Variants in FAM13A observed in about 807,000 individuals in gnomAD.
FAM13A encodes family with sequence similarity 13 member A.
A neutral mutation model predicts 129.6 loss-of-function variants in FAM13A; 76 were observed. The observed-to-expected ratio is 0.59, with a 90% CI of 0.49 to 0.71. FAM13A has a LOEUF of 0.71. Ranked by LOEUF, FAM13A falls within the 30% of genes least tolerant of loss-of-function variation. FAM13A has a pLI of 0.00. For missense variants in FAM13A, 1,108 were observed against 1,249.3 expected, an observed-to-expected ratio of 0.89 and a Z score of 1.70; for synonymous variants, 443 against 449.9, an observed-to-expected ratio of 0.98 and a Z score of 0.20.
At chr4:88,923,925 C>G (rs1410828148) in intron 5 of FAM13A, among the ~76,000 whole-genome samples, 1 of 151,924 alleles carries the variant, frequency 6.6e-6, no homozygotes, top group Admixed American at 6.6e-5. Flanking sequence ...AAACAGAGAG[C>G]CAAATCATGA....
At chr4:88,984,149 C>T (rs1410890890) in intron 4 of FAM13A, among the ~76,000 whole-genome samples, 4 of 152,032 alleles carry the variant, frequency 2.6e-5, no homozygotes, top group Non-Finnish European at 5.9e-5. Flanking sequence ...AAGTTAACTC[C>T]AAAATAGCTC....
intron 20 of FAM13A, among the ~76,000 whole-genome samples, chr4:88,737,975 AG>A (rs1342255962): frequency 6.6e-6 from 1 of 152,214 alleles, no homozygotes. Context: ...CACCCTACTT[AG>A]GGACACTAAG....
intron 7 of FAM13A, among the ~76,000 whole-genome samples, chr4:88,840,690 GAA>G (rs1311083230): frequency 6.6e-6 from 1 of 151,288 alleles, no homozygotes; most frequent in East Asian, 1.9e-4. Context: ...ATTGCTGCTT[GAA>G]AAAAAATAGA....
chr4:89,022,934 C>T (rs1373351853), intron 2 of FAM13A, among the ~76,000 whole-genome samples: 1 of 152,116 alleles, frequency 6.6e-6, no homozygotes, highest in Non-Finnish European at 1.5e-5. Context: ...GGAATTTTTC[C>T]CCTGTTGAGT....
chr4:88,896,252 A>G (rs962979761), intron 6 of FAM13A, among the ~76,000 whole-genome samples: 8 of 130,374 alleles, frequency 6.1e-5, no homozygotes, highest in African/African-American at 2.3e-4. Flanking sequence ...GGGGAACATC[A>G]CACTCTGGGG....
intron 8 of FAM13A, among the ~76,000 whole-genome samples, chr4:88,804,542 T>C (rs1474911716): frequency 6.6e-6 from 1 of 152,182 alleles, no homozygotes; most frequent in Non-Finnish European, 1.5e-5. Context: ...ACTCTGGGTT[T>C]GTAAGTTTTA....
intron 13 of FAM13A, among the ~76,000 whole-genome samples, chr4:88,760,132 A>C (rs1050993835): frequency 6.6e-6 from 1 of 152,256 alleles, no homozygotes; most frequent in Non-Finnish European, 1.5e-5. Context: ...AGCACTACTT[A>C]AGACTTGCAG....
At chr4:88,972,849 C>T (rs1760319357) in intron 4 of FAM13A, among the ~76,000 whole-genome samples, 1 of 152,172 alleles carries the variant, frequency 6.6e-6, no homozygotes, top group Non-Finnish European at 1.5e-5. Context: ...TTCAGGTGAT[C>T]CACCTGCCTT....
At chr4:88,772,031 A>T (rs1720775270) in intron 11 of FAM13A, among the ~76,000 whole-genome samples, 1 of 152,196 alleles carries the variant, frequency 6.6e-6, no homozygotes, top group Non-Finnish European at 1.5e-5. Flanking sequence ...TTGACCACTG[A>T]CTGAAGCACT....
intron 7 of FAM13A, 150 bp from the exon 8 acceptor site, chr4:88,805,202 C>T (rs922015851): frequency 1.9e-5 from 11 of 594,188 alleles, no homozygotes; most frequent in Middle Eastern, 4.6e-4. Flanking sequence ...TGATCCACCT[C>T]GGACCTAGCC....
chr4:88,816,951 A>G (rs1204394723), intron 7 of FAM13A, among the ~76,000 whole-genome samples: 1 of 152,222 alleles, frequency 6.6e-6, no homozygotes, highest in African/African-American at 2.4e-5. Context: ...AGCATTATTC[A>G]TAACAGCCAA....
At chr4:88,828,972 G>T (rs1404587839) in intron 7 of FAM13A, among the ~76,000 whole-genome samples, 2 of 152,142 alleles carry the variant, frequency 1.3e-5, no homozygotes, top group African/African-American at 4.8e-5. Context: ...CTGGCTTGCA[G>T]ATTTCTAATT....
At chr4:88,887,841 C>G (rs1744710589) in intron 6 of FAM13A, among the ~76,000 whole-genome samples, 1 of 151,970 alleles carries the variant, frequency 6.6e-6, no homozygotes, top group South Asian at 2.1e-4. Context: ...TCCATATGTG[C>G]CTTTCTTGTT....
At chr4:88,853,440 G>T (rs983411110) in intron 6 of FAM13A, among the ~76,000 whole-genome samples, 1 of 151,874 alleles carries the variant, frequency 6.6e-6, no homozygotes, top group South Asian at 2.1e-4. Flanking sequence ...AAAAATATAC[G>T]CTGTTATATA....
At chr4:88,998,717 A>G (rs1235447005) in intron 3 of FAM13A, among the ~76,000 whole-genome samples, 1 of 152,256 alleles carries the variant, frequency 6.6e-6, no homozygotes, top group East Asian at 1.9e-4. Context: ...GTATTTACAG[A>G]AGAATGAGAA....
chr4:88,973,956 C>G (rs1444818058), intron 4 of FAM13A, among the ~76,000 whole-genome samples: 2 of 152,146 alleles, frequency 1.3e-5, no homozygotes, highest in Non-Finnish European at 2.9e-5. Context: ...GTCAGTTAGG[C>G]CCTGAGAAAT....
intron 6 of FAM13A, among the ~76,000 whole-genome samples, chr4:88,884,335 G>C (rs904685153): frequency 6.6e-6 from 1 of 152,128 alleles, no homozygotes; most frequent in African/African-American, 2.4e-5. Flanking sequence ...GGGATGCAGA[G>C]ATGGCTTAAC....
intron 8 of FAM13A, among the ~76,000 whole-genome samples, chr4:88,803,944 T>C (rs1196068386): frequency 6.6e-6 from 1 of 152,142 alleles, no homozygotes; most frequent in Non-Finnish European, 1.5e-5. Context: ...TTGCATCCCC[T>C]GACATTTCTT....
intron 4 of FAM13A, among the ~76,000 whole-genome samples, chr4:88,984,961 A>G (rs1762061234): frequency 6.6e-6 from 1 of 152,192 alleles, no homozygotes; most frequent in African/African-American, 2.4e-5. Flanking sequence ...AAATGAACAC[A>G]TAATTCTACA....
Sources: gnomAD v4.1 joint callset for allele counts (sites outside exome capture counted in the v4.1 genomes callset) on GRCh38, gnomAD v4.1.1 for gene constraint, MANE v1.5 for transcripts, NCBI Gene and HGNC (gene_info 2026-07-23, HGNC 2026-07-21) for gene names.